The following RBBP8 variants were observed in gnomAD, a reference collection of about 807,000 sequenced individuals.
RBBP8 encodes the protein RB binding protein 8, endonuclease.
RBBP8 carries 88 observed loss-of-function variants against 108.3 expected under a neutral mutation model. The observed-to-expected ratio is 0.81, with a 90% CI of 0.68 to 0.97. The LOEUF is 0.97. Ranked by LOEUF, RBBP8 falls within the 50% of genes least tolerant of loss-of-function variation. RBBP8 has a pLI of 0.00. For missense variants in RBBP8, 1,023 were observed against 1,049.0 expected (o/e 0.98, Z 0.34); for synonymous variants, 332 against 348.2 (o/e 0.95, Z 0.52).
At chr18:22,976,026 G>A (rs962320059) in intron 6 of RBBP8, among the ~76,000 whole-genome samples, 1 of 152,044 alleles carries the variant, frequency 6.6e-6, no homozygotes, top group African/African-American at 2.4e-5. Context: ...TCCTAATGGC[G>A]TTATAGCGTT....
chr18:22,959,839 G>A (rs1461118051), intron 4 of RBBP8, among the ~76,000 whole-genome samples: 1 of 136,376 alleles, frequency 7.3e-6, no homozygotes, highest in Non-Finnish European at 1.6e-5. Flanking sequence ...AGGTCTTTTT[G>A]TGTGGTAAAA....
chr18:22,949,080 T>C lies in RBBP8; in HGVS notation c.153-538T>C, dbSNP rs149701536. 2.4e-3 allele frequency among the ~76,000 whole-genome samples: 359 copies of C among 152,090 alleles called. 1 individual carries two copies. The highest frequency in any genetic ancestry group is 8.8e-4 in the Non-Finnish European group (60 of 67,990). ...TACTTATTTCTCAGACCTTTTGGAGTAGATATTAATGTATCTACACTTGGT... is the reference window on the plus strand; with the variant it reads ...TACTTATTTCTCAGACCTTTTGGAGCAGATATTAATGTATCTACACTTGGT... On this transcript the variant is annotated intron_variant, in intron 3 of 18. Transcript: ENST00000327155.
At chr18:22,981,385 T>TA (rs1036986706) in intron 6 of RBBP8, among the ~76,000 whole-genome samples, 2 of 152,166 alleles carry the variant, frequency 1.3e-5, no homozygotes, top group Non-Finnish European at 2.9e-5. Flanking sequence ...AGACTATGGA[T>TA]AACACATTTG....
intron 13 of RBBP8, among the ~76,000 whole-genome samples, chr18:22,996,937 G>A (rs1256214844): frequency 6.6e-6 from 1 of 152,152 alleles, no homozygotes; most frequent in East Asian, 1.9e-4. Flanking sequence ...ATTCGAGGCT[G>A]CAGTGAGGTA....
rs777456698 is a variant in RBBP8 at position 23,001,648 on chromosome 18, T to A, written c.2206T>A (p.Tyr736Asn). ...GTTTGATCGGACAACACATGAAGAGTATGAATCCTGTTTGGCAGACAGTTT... is the reference window on the plus strand; with the variant it reads ...GTTTGATCGGACAACACATGAAGAGAATGAATCCTGTTTGGCAGACAGTTT... ...DMFDRTTHEE[Y>N]ESCLADSFSQ... The change falls in exon 15 of 19, where the codon TAT becomes AAT. Residue 736 changes from tyrosine to asparagine, a missense_variant. Tyr to Asn is a moderately radical substitution (Grantham distance 143, BLOSUM62 -2). Coordinates refer to ENST00000327155, the MANE Select transcript of RBBP8 (RefSeq NM_002894.3). 6.2e-7 allele frequency: 1 copy of A among 1,613,956 alleles called. No homozygotes were observed. The highest frequency in any genetic ancestry group is 2.2e-5 in the East Asian group (1 of 44,846).
In RBBP8 at chr18:22,993,703, C is replaced by T. The variant is rs2045791190; in HGVS notation, c.1813-18C>T. 21 of 1,614,138 alleles carry T rather than the reference C, an allele frequency of 1.3e-5. No individual in the cohort carries two copies. The highest frequency in any genetic ancestry group is 1.8e-5 in the Non-Finnish European group (21 of 1,180,006). On this transcript the variant is annotated intron_variant, in intron 11 of 18. Coordinates refer to ENST00000327155, the MANE Select transcript of RBBP8 (RefSeq NM_002894.3). ...TGCTTGTGATTTCATTTAGAGCTAA[C>T]AATTATTTCTGTTTTAGAGTGCTGG...
chr18:22,996,222 C>T (rs1459310277), intron 12 of RBBP8, 152 bp from the exon 13 acceptor site: 7 of 1,258,838 alleles, frequency 5.6e-6, no homozygotes, highest in African/African-American at 1.5e-5. Context: ...TATTATGGAG[C>T]TGTGAGAGTT....
Position 22,936,764 on chromosome 18 carries a change from T to A in RBBP8, c.-88T>A. The A allele has an allele frequency of 6.8e-7, 1 of 1,477,156 alleles. No individual in the cohort carries two copies. Among genetic ancestry groups the A allele is most frequent in the Non-Finnish European group, 9.4e-7 (1 of 1,060,004 alleles). 91.5% of individuals were successfully genotyped at this position (1,477,156 alleles called of 1,614,324 possible). A position where few individuals can be genotyped will look rare whatever the true frequency, so the allele number is the denominator to read the frequency against. On this transcript the variant is annotated 5_prime_UTR_variant, in exon 2 of 19. Transcript: ENST00000327155. ...AATCTGTCATTTCAGGTATTTGACC[T>A]GTCCAAAGACGACTTGATACCTCTA... is the stretch of plus-strand genomic sequence containing the variant.
chr18:22,988,651 C>T (rs1448668390), intron 8 of RBBP8, among the ~76,000 whole-genome samples: 1 of 152,114 alleles, frequency 6.6e-6, no homozygotes, highest in African/African-American at 2.4e-5. Flanking sequence ...TCTCTTTTTA[C>T]CTTTCAACTA....
chr18:22,957,470 A>G (rs1007856790), intron 4 of RBBP8, among the ~76,000 whole-genome samples: 1 of 152,118 alleles, frequency 6.6e-6, no homozygotes, highest in African/African-American at 2.4e-5. Flanking sequence ...ATAGCAAACA[A>G]TTGAGCATAA....
At chr18:22,970,099 T>C (rs1913958226) in intron 5 of RBBP8, among the ~76,000 whole-genome samples, 1 of 152,228 alleles carries the variant, frequency 6.6e-6, no homozygotes, top group Non-Finnish European at 1.5e-5. Flanking sequence ...CATCTCTAGA[T>C]TCCTTATAAT....
intron 6 of RBBP8, among the ~76,000 whole-genome samples, chr18:22,980,554 A>G (rs567781142): frequency 1.3e-5 from 2 of 152,190 alleles, no homozygotes; most frequent in East Asian, 3.9e-4. Context: ...GGAGTAGAGT[A>G]TAATAGGAAA....
chr18:22,991,578 A>G (rs1915707376), intron 10 of RBBP8, among the ~76,000 whole-genome samples: 1 of 152,238 alleles, frequency 6.6e-6, no homozygotes, highest in Non-Finnish European at 1.5e-5. Flanking sequence ...TAACCTGTGC[A>G]TATCCTCCTG....
chr18:22,986,219 T>C (rs1479584450), intron 8 of RBBP8, among the ~76,000 whole-genome samples: 1 of 151,896 alleles, frequency 6.6e-6, no homozygotes, highest in Non-Finnish European at 1.5e-5. Flanking sequence ...GCCAATGAGA[T>C]AGGAAAACTA....
intron 3 of RBBP8, among the ~76,000 whole-genome samples, chr18:22,947,710 T>G (rs566872743): frequency 3.0e-4 from 46 of 152,226 alleles, no homozygotes; most frequent in Non-Finnish European, 5.7e-4. Flanking sequence ...TATTAGACAC[T>G]TCCCTGTTTT....
intron 17 of RBBP8, among the ~76,000 whole-genome samples, chr18:23,017,210 C>G (rs1216834131): frequency 6.6e-6 from 1 of 151,800 alleles, no homozygotes; most frequent in East Asian, 1.9e-4. Flanking sequence ...CAAAAGTAAG[C>G]TGGGTGTGGT....
intron 7 of RBBP8, among the ~76,000 whole-genome samples, chr18:22,984,412 C>T (rs1915174854): frequency 1.3e-5 from 2 of 152,124 alleles, no homozygotes; most frequent in Non-Finnish European, 2.9e-5. Flanking sequence ...GAGATAGGGT[C>T]TCACTCTGTC....
chr18:22,959,905 G>T (rs138472119), intron 4 of RBBP8, among the ~76,000 whole-genome samples: 5,020 of 60,232 alleles, frequency 0.083, 144 homozygotes, highest in East Asian at 0.17. Flanking sequence ...GGTGGTTGTT[G>T]TTTTGAGACA....
At chr18:23,019,739 T>C (rs1440128580) in intron 17 of RBBP8, among the ~76,000 whole-genome samples, 6 of 151,172 alleles carry the variant, frequency 4.0e-5, no homozygotes, top group African/African-American at 1.2e-4. Flanking sequence ...ACTAATGCCC[T>C]GGACCAAGGC....
Sources: gnomAD v4.1 joint callset for allele counts (sites outside exome capture counted in the v4.1 genomes callset) on GRCh38, gnomAD v4.1.1 for gene constraint, MANE v1.5 for transcripts, NCBI Gene and HGNC (gene_info 2026-07-23, HGNC 2026-07-21) for gene names.